Variants in SYN2 observed in about 807,000 individuals in gnomAD.
SYN2 encodes the protein synapsin II, also known as synapsin-2.
A neutral mutation model predicts 50.9 loss-of-function variants in SYN2; 19 were observed. The observed-to-expected ratio is 0.37, with a 90% confidence interval of 0.26 to 0.55. The LOEUF is 0.55. Among genes scored for constraint, SYN2 ranks in the 20% least tolerant of loss-of-function variants. SYN2 has a pLI of 0.81. For synonymous variants in SYN2, 255 were observed against 224.9 expected (o/e 1.13, Z -1.20); for missense variants, 587 against 576.4 (o/e 1.02, Z -0.19).
chr3:12,181,822 T>C (rs1479861065), intron 10 of SYN2, among the ~76,000 whole-genome samples: 1 of 152,090 alleles, frequency 6.6e-6, no homozygotes, highest in Non-Finnish European at 1.5e-5. Flanking sequence ...GAGGGAAAAG[T>C]GGAGGAGTCC....
At chr3:12,028,069 C>T (rs1574895522) in intron 1 of SYN2, among the ~76,000 whole-genome samples, 2 of 110,846 alleles carry the variant, frequency 1.8e-5, no homozygotes, top group East Asian at 5.7e-4. Flanking sequence ...ATTCCCCTTC[C>T]TGTGTCCATG....
intron 1 of SYN2, among the ~76,000 whole-genome samples, chr3:12,129,986 A>G (rs1272658108): frequency 2.6e-5 from 4 of 152,276 alleles, no homozygotes; most frequent in East Asian, 1.9e-4. Context: ...GAGGACACAG[A>G]GAAGGCAGCT....
chr3:12,180,654 C>G (rs1698201314), intron 10 of SYN2, among the ~76,000 whole-genome samples: 1 of 152,196 alleles, frequency 6.6e-6, no homozygotes. Flanking sequence ...CTTCCATACA[C>G]AATCTCAGTG....
intron 1 of SYN2, among the ~76,000 whole-genome samples, chr3:12,061,896 C>A (rs796825263): frequency 4.9e-4 from 75 of 152,106 alleles, no homozygotes; most frequent in African/African-American, 1.6e-3. Flanking sequence ...TAAACAGATT[C>A]TATATTTATA....
chr3:12,143,781 A>AT (rs897020479), intron 3 of SYN2, among the ~76,000 whole-genome samples: 1 of 152,032 alleles, frequency 6.6e-6, no homozygotes, highest in Non-Finnish European at 1.5e-5. Context: ...ATGATGATTT[A>AT]TTTTCCTTTG....
intron 5 of SYN2, among the ~76,000 whole-genome samples, chr3:12,151,701 C>A (rs937431433): frequency 2.0e-5 from 3 of 152,138 alleles, no homozygotes; most frequent in African/African-American, 7.2e-5. Context: ...CATATTTATC[C>A]CTGCACAGGA....
chr3:12,017,121 A>G (rs1263615165), intron 1 of SYN2, among the ~76,000 whole-genome samples: 1 of 152,152 alleles, frequency 6.6e-6, no homozygotes, highest in Non-Finnish European at 1.5e-5. Flanking sequence ...GTTAAGAGTA[A>G]GAGAAAGAGC....
rs1402494470 is a variant in SYN2 at position 12,032,868 on chromosome 3, T to C, written c.377+27940T>C. 3.6e-4 allele frequency among the ~76,000 whole-genome samples: 32 copies of C among 89,628 alleles called. No individual in the cohort carries two copies. In the South Asian group the frequency reaches 6.9e-3, roughly 19 times the overall value. 58.8% of individuals were successfully genotyped at this position (89,628 alleles called of 152,430 possible). A position where few individuals can be genotyped will look rare whatever the true frequency, so the allele number is the denominator to read the frequency against. ...AGAGTAATTTGATCGTCTGAAGCCT[T>C]CTTCTCTCAGCTCGTCAAAATCATT... On this transcript the variant is annotated intron_variant, in intron 1 of 12. Coordinates refer to ENST00000621198, the MANE Select transcript of SYN2 (RefSeq NM_133625.6).
At chr3:12,161,749 T>C in intron 6 of SYN2, 141 bp downstream of exon 6, 1 of 1,107,238 alleles carries the variant, frequency 9.0e-7, no homozygotes, top group Non-Finnish European at 1.3e-6. Flanking sequence ...TCTAAAGCCA[T>C]GAGTGTCACC....
intron 12 of SYN2, among the ~76,000 whole-genome samples, chr3:12,189,737 GGTT>G (rs1371192435): frequency 3.3e-5 from 5 of 152,124 alleles, no homozygotes; most frequent in African/African-American, 1.2e-4. Context: ...GGGAGGCGGA[GGTT>G]GCAGTGAGCA....
intron 1 of SYN2, among the ~76,000 whole-genome samples, chr3:12,136,138 A>C (rs1329780498): frequency 1.3e-5 from 2 of 152,198 alleles, no homozygotes; most frequent in African/African-American, 2.4e-5. Context: ...AAATGTGATG[A>C]AAGTTCAGAA....
intron 1 of SYN2, among the ~76,000 whole-genome samples, chr3:12,120,863 T>C (rs1696542567): frequency 6.6e-6 from 1 of 152,184 alleles, no homozygotes; most frequent in Admixed American, 6.5e-5. Flanking sequence ...CTTCTCATCT[T>C]CGCCTGTTAA....
intron 1 of SYN2, among the ~76,000 whole-genome samples, chr3:12,088,944 A>G (rs160216): frequency 6.6e-6 from 1 of 152,182 alleles, no homozygotes; most frequent in African/African-American, 2.4e-5. Context: ...GGAATAAGTT[A>G]TAGTGATCTA....
At chr3:12,183,774 G>T in intron 11 of SYN2, 1 of 1,095,994 alleles carries the variant, frequency 9.1e-7, no homozygotes, top group Non-Finnish European at 1.1e-6. Context: ...AATATATAAT[G>T]TGGGGTGAAA....
chr3:12,060,463 G>A (rs1695089792), intron 1 of SYN2, among the ~76,000 whole-genome samples: 1 of 152,112 alleles, frequency 6.6e-6, no homozygotes, highest in African/African-American at 2.4e-5. Context: ...AGGGGGAAGG[G>A]GAAAGAAACT....
chr3:12,029,239 T>C (rs2125140646), intron 1 of SYN2, among the ~76,000 whole-genome samples: 3 of 133,012 alleles, frequency 2.3e-5, no homozygotes. Flanking sequence ...CATCTATATC[T>C]CTGTTTTGGT....
At chr3:12,063,605 C>A (rs1695155937) in intron 1 of SYN2, among the ~76,000 whole-genome samples, 1 of 151,862 alleles carries the variant, frequency 6.6e-6, no homozygotes, top group South Asian at 2.1e-4. Context: ...TTGGAGACAT[C>A]ATTATGAACT....
chr3:12,067,346 A>G (rs1192619348), intron 1 of SYN2, among the ~76,000 whole-genome samples: 2 of 152,214 alleles, frequency 1.3e-5, no homozygotes, highest in African/African-American at 4.8e-5. Context: ...TATGAGAGGT[A>G]AACCTTTCCT....
intron 10 of SYN2, among the ~76,000 whole-genome samples, chr3:12,177,405 CA>C (rs1266461249): frequency 6.6e-6 from 1 of 152,116 alleles, no homozygotes; most frequent in Non-Finnish European, 1.5e-5. Context: ...CCATGAAAGC[CA>C]AAAGATTAGC....
Sources: allele counts gnomAD v4.1 joint callset (sites outside exome capture counted in the v4.1 genomes callset), GRCh38; gene constraint gnomAD v4.1.1; transcripts MANE v1.5; gene names NCBI Gene and HGNC (gene_info 2026-07-23, HGNC 2026-07-21).